The following CTIF variants were observed in gnomAD, a reference collection of about 807,000 sequenced individuals.
The protein encoded by CTIF is cap binding complex dependent translation initiation factor.
CTIF carries 21 observed loss-of-function variants against 66.0 expected under a neutral mutation model. The ratio of observed to expected loss-of-function variants is 0.32; its 90% CI spans 0.23 to 0.46. The LOEUF (loss-of-function observed/expected upper bound fraction) is 0.46, where lower values mean the gene tolerates loss of function less well. CTIF is among the 20% of genes least tolerant of loss of function. The pLI, the probability that CTIF is intolerant of heterozygous loss-of-function variation, is 1.00. For missense variants in CTIF, 739 were observed against 812.7 expected (o/e 0.91, Z 1.10); for synonymous variants, 345 against 326.4 (o/e 1.06, Z -0.62).
In CTIF at chr18:48,862,884, C is replaced by T. The variant is rs1424702944; in HGVS notation, c.*3325C>T. On this transcript the variant is annotated 3_prime_UTR_variant, in exon 12 of 12. Coordinates refer to ENST00000256413, the MANE Select transcript of CTIF (RefSeq NM_014772.3). Reference sequence around the variant, plus strand: ...CCGTGTTCCTTGTCAGACAGACAGACTCTCAGGCCTGCCTGGGGAGTCGTG... The same window carrying T: ...CCGTGTTCCTTGTCAGACAGACAGATTCTCAGGCCTGCCTGGGGAGTCGTG... 1 of 152,292 alleles carries T rather than the reference C, an allele frequency of 6.6e-6. No individual in the cohort carries two copies. The highest frequency in any genetic ancestry group is 1.5e-5 in the Non-Finnish European group (1 of 68,072). The allele number at this position is 152,292 out of a possible 1,614,324, so 9.4% of individuals were successfully genotyped here.
chr18:48,844,738 C>G (rs1196014583), intron 10 of CTIF, among the ~76,000 whole-genome samples: 1 of 152,230 alleles, frequency 6.6e-6, no homozygotes, highest in Admixed American at 6.5e-5. Context: ...CCATTCCCCT[C>G]TGCTGAAGGT....
Position 48,664,470 on chromosome 18 carries a change from C to T in CTIF, c.350C>T (p.Pro117Leu). 3.7e-6 allele frequency: 6 copies of T among 1,613,748 alleles called. No individual in the cohort carries two copies. Among genetic ancestry groups the T allele is most frequent in the Non-Finnish European group, 5.1e-6 (6 of 1,179,972 alleles). Residue 117 changes from proline to leucine, a missense_variant, in exon 5 of 12, where the codon CCG becomes CTG. Pro to Leu is a moderately conservative substitution (Grantham distance 98, BLOSUM62 -3). Transcript: ENST00000256413. Reference protein sequence around the residue: ...SFSGATWDLQPEKLDFTQFHR... With the variant: ...SFSGATWDLQLEKLDFTQFHR... Reference sequence around the variant, plus strand: ...AGTGGTGCCACCTGGGACCTGCAGCCGGAAAAGCTGGACTTCACCCAGTTC... The same window carrying T: ...AGTGGTGCCACCTGGGACCTGCAGCTGGAAAAGCTGGACTTCACCCAGTTC...
At chr18:48,597,468 T>C (rs1369149410) in intron 1 of CTIF, among the ~76,000 whole-genome samples, 4 of 152,194 alleles carry the variant, frequency 2.6e-5, no homozygotes, top group Non-Finnish European at 5.9e-5. Flanking sequence ...GATGGATCCT[T>C]CATGAATGGC....
In CTIF at chr18:48,568,666, A is replaced by AAAG. The variant is rs2089338800; in HGVS notation, c.-29+29356_-29+29358dup. On this transcript the variant is annotated intron_variant, in intron 1 of 11. Transcript: ENST00000256413. ...AAAAAAAAAAAAAAAAAAAAAAAAA[A>AAAG]AAGAGGTTTAATGGACTCACAGTTC... 5.3e-5 allele frequency among the ~76,000 whole-genome samples: 7 copies of AAAG among 132,606 alleles called. No individual in the cohort carries two copies. In the South Asian group the frequency reaches 1.2e-3, roughly 23 times the overall value. The allele number at this position is 132,606 out of a possible 152,430, so 87.0% of individuals were successfully genotyped here.
At chr18:48,848,260 C>G (rs1045793631) in intron 10 of CTIF, among the ~76,000 whole-genome samples, 2 of 152,206 alleles carry the variant, frequency 1.3e-5, no homozygotes, top group Admixed American at 1.3e-4. Context: ...CTTGTCCCCC[C>G]ACAGCCCTGG....
chr18:48,574,385 G>T (rs907543), intron 1 of CTIF, among the ~76,000 whole-genome samples: 151,574 of 152,378 alleles, frequency 0.99, 75,393 homozygotes, highest in Middle Eastern at 1. Flanking sequence ...GCATAAAAAC[G>T]AGTGCATAAT....
intron 6 of CTIF, among the ~76,000 whole-genome samples, chr18:48,705,763 C>A (rs2092144485): frequency 6.6e-6 from 1 of 152,226 alleles, no homozygotes; most frequent in African/African-American, 2.4e-5. Context: ...TGTGGCATGC[C>A]CTCTTCTCCT....
intron 1 of CTIF, among the ~76,000 whole-genome samples, chr18:48,592,081 C>A (rs942594250): frequency 2.6e-5 from 4 of 152,156 alleles, no homozygotes; most frequent in African/African-American, 9.7e-5. Flanking sequence ...TGAAACACCC[C>A]GGTATTATCT....
At chr18:48,747,774 C>T (rs1907379793) in intron 7 of CTIF, among the ~76,000 whole-genome samples, 1 of 150,514 alleles carries the variant, frequency 6.6e-6, no homozygotes, top group Non-Finnish European at 1.5e-5. Context: ...AAAAATTAGC[C>T]AGTCATGATG....
chr18:48,586,200 G>A (rs1029392040), intron 1 of CTIF, among the ~76,000 whole-genome samples: 2 of 151,666 alleles, frequency 1.3e-5, no homozygotes, highest in African/African-American at 4.8e-5. Flanking sequence ...GGTTGCACAT[G>A]TTTTCACTAC....
At chr18:48,664,096 C>A (rs1051426495) in intron 4 of CTIF, among the ~76,000 whole-genome samples, 3 of 152,156 alleles carry the variant, frequency 2.0e-5, no homozygotes, top group Non-Finnish European at 4.4e-5. Flanking sequence ...CTCAGGGTGG[C>A]CGGGTCGTCA....
chr18:48,732,081 C>T (rs2092461630), intron 7 of CTIF, among the ~76,000 whole-genome samples: 2 of 152,244 alleles, frequency 1.3e-5, no homozygotes, highest in Admixed American at 1.3e-4. Context: ...AATGAAGTTT[C>T]CATTCCTACC....
chr18:48,758,074 A>C lies in CTIF; in HGVS notation c.740A>C (p.Asn247Thr), dbSNP rs764343360. 1.2e-6 allele frequency: 2 copies of C among 1,614,090 alleles called. No homozygotes were observed. The highest frequency in any genetic ancestry group is 4.5e-5 in the East Asian group (2 of 44,862). The change falls in exon 8 of 12, where the codon AAC becomes ACC. Residue 247 changes from asparagine (N) to threonine (T), a missense_variant. Around this residue, in one of 2 missense-constraint regions of CTIF, gnomAD observed 529 missense variants for 520.3 expected, o/e 1.02. Coordinates refer to ENST00000256413, the MANE Select transcript of CTIF (RefSeq NM_014772.3). ...CCCACTCACCATGGCTACAGCCAGA[A>C]CCGGCGCTGGCACCATGGCAACATG... ...GRPTHHGYSQ[N>T]RRWHHGNMKH...
At chr18:48,779,125 G>A (rs746421403) in intron 9 of CTIF, among the ~76,000 whole-genome samples, 19 of 152,194 alleles carry the variant, frequency 1.2e-4, no homozygotes, top group Non-Finnish European at 2.2e-4. Context: ...GGACGATGGT[G>A]TTAGTATAAA....
chr18:48,782,872 C>T (rs928353296), intron 9 of CTIF, among the ~76,000 whole-genome samples: 2 of 152,132 alleles, frequency 1.3e-5, no homozygotes, highest in Non-Finnish European at 2.9e-5. Context: ...GGGGCAGCTG[C>T]CACCACCCAC....
At chr18:48,736,001 C>T (rs761567723) in intron 7 of CTIF, among the ~76,000 whole-genome samples, 1 of 152,148 alleles carries the variant, frequency 6.6e-6, no homozygotes, top group Non-Finnish European at 1.5e-5. Context: ...GGCCCCGTTC[C>T]TGGGAATGGT....
At chr18:48,770,315 CGCCACTGT>C (rs1465842095) in intron 9 of CTIF, among the ~76,000 whole-genome samples, 1 of 152,120 alleles carries the variant, frequency 6.6e-6, no homozygotes, top group Admixed American at 6.5e-5. Flanking sequence ...TTTGCCACTG[CGCCACTGT>C]GCCACTGCGC....
At chr18:48,818,896 T>G (rs556343119) in intron 10 of CTIF, among the ~76,000 whole-genome samples, 7 of 152,080 alleles carry the variant, frequency 4.6e-5, no homozygotes, top group Non-Finnish European at 8.8e-5. Context: ...GACACGTCTT[T>G]CGAGAAGTTT....
intron 1 of CTIF, among the ~76,000 whole-genome samples, chr18:48,595,673 C>A (rs1333704723): frequency 1.3e-5 from 2 of 152,140 alleles, no homozygotes; most frequent in Non-Finnish European, 2.9e-5. Context: ...GCGATCCTCC[C>A]ACATTGGTCT....
Sources: allele counts gnomAD v4.1 joint callset (sites outside exome capture counted in the v4.1 genomes callset), GRCh38; gene constraint gnomAD v4.1.1; regional missense constraint gnomAD v4.1.1; transcripts MANE v1.5; gene names NCBI Gene and HGNC (gene_info 2026-07-23, HGNC 2026-07-21).